SEC62: variants seen among roughly 807,000 people sequenced by gnomAD.
SEC62 encodes translocation protein SEC62.
In SEC62, 10 loss-of-function variants were observed where a neutral mutation model predicts 47.5. The observed-to-expected ratio is 0.21, with a 90% CI of 0.13 to 0.36. SEC62 has a LOEUF of 0.36. Ranked by LOEUF, SEC62 falls within the 10% of genes least tolerant of loss-of-function variation. The pLI, the probability that SEC62 is intolerant of heterozygous loss-of-function variation, is 1.00. For missense variants in SEC62, 327 were observed against 464.1 expected, an observed-to-expected ratio of 0.70 and a Z score of 2.71; for synonymous variants, 136 against 150.5, an observed-to-expected ratio of 0.90 and a Z score of 0.71.
chr3:169,972,580 C>CTTTTTTTTTTTTTTTTTTTTTT (rs11391826), intron 1 of SEC62, among the ~76,000 whole-genome samples: 1 of 114,960 alleles, frequency 8.7e-6, no homozygotes, highest in Non-Finnish European at 1.7e-5. Flanking sequence ...CTTTTTCTAT[C>CTTTTTTTTTTTTTTTTTTTTTT]TTTTTTTTTT....
chr3:169,969,459 A>G (rs1181207718), intron 1 of SEC62: 4 of 410,836 alleles, frequency 9.7e-6, no homozygotes, highest in African/African-American at 2.1e-5. Context: ...TTGATTTACA[A>G]TCCTGGTATC....
rs140345917 is a variant in SEC62, at chr3:169,972,831, A to T, written c.37-2777A>T. Among the ~76,000 whole-genome samples, 8 of 152,292 alleles carry T rather than the reference A, an allele frequency of 5.3e-5. No homozygotes were observed. The East Asian group carries it at 1.5e-3, about 29-fold the overall frequency. ...CAGAGTGTACATATCATGCCTTACAAATCTTTGCTGTTAACTGTAGCATCC... is the reference window on the plus strand; with the variant it reads ...CAGAGTGTACATATCATGCCTTACATATCTTTGCTGTTAACTGTAGCATCC... On this transcript the variant is annotated intron_variant, in intron 1 of 7. Transcript: ENST00000337002.
rs35176867 is a variant in SEC62 at position 169,982,737 on chromosome 3, C to A, written c.282C>A (p.Ala94=). ...RLLKKQFFHR[A]LKVMKMKYDK... is the part of the protein sequence containing the mutation. ...TAAAGAAGCAGTTTTTTCACCGAGCCCTAAAAGTAATGAAAATGAAATATG... is the reference window on the plus strand; with the variant it reads ...TAAAGAAGCAGTTTTTTCACCGAGCACTAAAAGTAATGAAAATGAAATATG... Residue 94 remains alanine (A), a synonymous_variant, in exon 4 of 8, where the codon GCC becomes GCA. Coordinates refer to ENST00000337002, the MANE Select transcript of SEC62 (RefSeq NM_003262.4). 1.1e-5 allele frequency: 18 copies of A among 1,604,824 alleles called. No homozygotes were observed. The highest frequency in any genetic ancestry group is 1.5e-5 in the Non-Finnish European group (18 of 1,175,738).
chr3:169,983,324 C>T, intron 5 of SEC62, 71 bp downstream of exon 5: 1 of 915,908 alleles, frequency 1.1e-6, no homozygotes, highest in Non-Finnish European at 1.6e-6. Flanking sequence ...GATGCCTTCA[C>T]TAATAAAAGG....
chr3:169,996,169 G>A lies in SEC62; in HGVS notation c.*3106G>A, dbSNP rs897710271. On this transcript the variant is annotated 3_prime_UTR_variant, in exon 8 of 8. Coordinates refer to ENST00000337002, the MANE Select transcript of SEC62 (RefSeq NM_003262.4). ...TTAGGTTAGGCAAATTCACAAATACGGAATCCATGAATAACGAGGATCAAC... is the reference window on the plus strand; with the variant it reads ...TTAGGTTAGGCAAATTCACAAATACAGAATCCATGAATAACGAGGATCAAC... 1.3e-5 allele frequency: 2 copies of A among 152,232 alleles called. No homozygotes were observed. The highest frequency in any genetic ancestry group is 1.9e-4 in the East Asian group (1 of 5,194). The allele number at this position is 152,232 out of a possible 1,614,324, so 9.4% of individuals were successfully genotyped here.
intron 2 of SEC62, among the ~76,000 whole-genome samples, chr3:169,976,348 A>G (rs1714837133): frequency 1.3e-5 from 2 of 152,078 alleles, no homozygotes; most frequent in Non-Finnish European, 1.5e-5. Flanking sequence ...AGCCTGGGTG[A>G]CAGAGCAAGA....
chr3:169,967,343 C>G (rs1559962734), intron 1 of SEC62, among the ~76,000 whole-genome samples: 1 of 152,172 alleles, frequency 6.6e-6, no homozygotes, highest in Non-Finnish European at 1.5e-5. Context: ...GCGCATAGAC[C>G]GTAAGGGGGA....
At chr3:169,983,959 T>G (rs1401272617) in intron 5 of SEC62, 1 of 152,254 alleles carries the variant, frequency 6.6e-6, no homozygotes, top group Non-Finnish European at 1.5e-5. Context: ...CATTTCTTGA[T>G]GCTTTATGCT....
At chr3:169,973,098 A>G (rs1014280287) in intron 1 of SEC62, among the ~76,000 whole-genome samples, 6 of 152,178 alleles carry the variant, frequency 3.9e-5, no homozygotes, top group African/African-American at 1.4e-4. Context: ...ACTTTTTCAG[A>G]TGTATGGATA....
chr3:169,985,517 A>G (rs1559966784), intron 5 of SEC62: 1 of 214,014 alleles, frequency 4.7e-6, no homozygotes, highest in East Asian at 1.1e-4. Context: ...CTGGGATTAT[A>G]GGCGTGAGCC....
Position 169,993,289 on chromosome 3 carries a change from C to CA in SEC62, c.*227dup. 2.4e-6 allele frequency: 1 copy of CA among 423,268 alleles called. No homozygotes were observed. The highest frequency in any genetic ancestry group is 4.3e-5 in the South Asian group (1 of 23,128). The allele number at this position is 423,268 out of a possible 1,614,324, so 26.2% of individuals were successfully genotyped here. ...ATGTTTTATCCATTTGATAATTTTA[C>CA]AGTAAGTAGGTCTCATTCATTTTGA... On this transcript the variant is annotated 3_prime_UTR_variant, in exon 8 of 8. Transcript: ENST00000337002.
In SEC62 at chr3:169,992,902, A is replaced by G. The variant is rs201905627; in HGVS notation, c.1039A>G (p.Arg347Gly). The G allele has an allele frequency of 5.6e-6, 9 of 1,614,020 alleles. No individual in the cohort carries two copies. Among genetic ancestry groups the G allele is most frequent in the African/African-American group, 1.3e-5 (1 of 74,934 alleles). Residue 347 changes from arginine (R) to glycine (G), a missense_variant, in exon 8 of 8, where the codon AGG (arginine) becomes GGG (glycine). This residue lies in a region of SEC62 where 102 missense variants were observed against 108.8 expected (regional missense o/e 0.94). Coordinates refer to ENST00000337002, the MANE Select transcript of SEC62 (RefSeq NM_003262.4). The surrounding 1 kb of genome is among the most constrained non-coding windows in gnomAD (Gnocchi z 4.0). ...ACGGCATTCAGACACGGACAGTGAC[A>G]GGAGGGAAGATGATCGATCCCAGCA... The part of the protein sequence containing the change: ...GERHSDTDSD[R>G]REDDRSQHSS...
chr3:169,992,819 A>G lies in SEC62; in HGVS notation c.956A>G (p.Glu319Gly), dbSNP rs754584323. Reference sequence around the variant, plus strand: ...GAAAAGTCAGACAGTGAGAAAAAGGAAGATGAGGAGGGGAAAGTAGGACCA... The same window carrying G: ...GAAAAGTCAGACAGTGAGAAAAAGGGAGATGAGGAGGGGAAAGTAGGACCA... Reference protein sequence around the residue: ...SEEKSDSEKKEDEEGKVGPGN... With the variant: ...SEEKSDSEKKGDEEGKVGPGN... The change falls in exon 8 of 8, where the codon GAA becomes GGA. Residue 319 changes from glutamate (E) to glycine (G), a missense_variant. Glu to Gly is a moderately conservative substitution (Grantham distance 98). Coordinates refer to ENST00000337002, the MANE Select transcript of SEC62 (RefSeq NM_003262.4). The surrounding 1 kb of genome is among the most constrained non-coding windows in gnomAD (Gnocchi z 4.0). 1.4e-5 allele frequency: 22 copies of G among 1,614,050 alleles called. No individual in the cohort carries two copies. Among genetic ancestry groups the G allele is most frequent in the Non-Finnish European group, 5.9e-6 (7 of 1,180,040 alleles).
rs376312711 is a variant in SEC62, at chr3:169,982,945, A to T, written c.456+34A>T. The stretch of plus-strand genomic sequence containing the variant: ...ATCTAAAATTAAGTAAAAATTTAAA[A>T]ATCATTATGTGCACATGAACACTAC... On this transcript the variant is annotated intron_variant, in intron 4 of 7. Transcript: ENST00000337002. 6.4e-6 allele frequency: 10 copies of T among 1,554,800 alleles called. No homozygotes were observed. The African/African-American group carries it at 1.4e-4, about 22-fold the overall frequency.
At chr3:169,968,213 T>A (rs1576853762) in intron 1 of SEC62, among the ~76,000 whole-genome samples, 1 of 152,230 alleles carries the variant, frequency 6.6e-6, no homozygotes, top group African/African-American at 2.4e-5. Flanking sequence ...TGAAATTGTC[T>A]GTCAGATTTG....
chr3:169,967,190 C>T (rs1576853073), intron 1 of SEC62, among the ~76,000 whole-genome samples: 1 of 152,172 alleles, frequency 6.6e-6, no homozygotes, highest in African/African-American at 2.4e-5. Context: ...GGTCAGCCTC[C>T]CCTGGGGCGC....
chr3:169,969,542 T>G (rs1714644093), intron 1 of SEC62, among the ~76,000 whole-genome samples: 1 of 152,158 alleles, frequency 6.6e-6, no homozygotes, highest in Non-Finnish European at 1.5e-5. Flanking sequence ...AGTCTTAACA[T>G]GAAAGCAGAG....
intron 6 of SEC62, 153 bp downstream of exon 6, chr3:169,986,018 A>G (rs866103665): frequency 1.8e-6 from 1 of 555,454 alleles, no homozygotes; most frequent in South Asian, 2.6e-5. Flanking sequence ...ATAATACACT[A>G]AGGAAAATAT....
intron 2 of SEC62, among the ~76,000 whole-genome samples, chr3:169,976,192 T>A (rs1217843166): frequency 6.6e-6 from 1 of 151,954 alleles, no homozygotes; most frequent in African/African-American, 2.4e-5. Flanking sequence ...AGGCCAGGAG[T>A]TCGAGACCAG....
Sources: allele counts gnomAD v4.1 joint callset (sites outside exome capture counted in the v4.1 genomes callset), GRCh38; gene constraint gnomAD v4.1.1; regional missense constraint gnomAD v4.1.1; non-coding constraint Gnocchi (gnomAD v3.1); transcripts MANE v1.5; gene names NCBI Gene and HGNC (gene_info 2026-07-23, HGNC 2026-07-21).